CCDC60: variants seen among roughly 807,000 people sequenced by gnomAD.
CCDC60 encodes coiled-coil domain-containing protein 60.
In CCDC60, 54 loss-of-function variants were observed where a neutral mutation model predicts 63.5. The ratio of observed to expected loss-of-function variants is 0.85; its 90% CI spans 0.68 to 1.07. The LOEUF (loss-of-function observed/expected upper bound fraction) is 1.07. Among genes scored for constraint, CCDC60 ranks in the 50% least tolerant of loss-of-function variants. CCDC60 has a pLI of 0.00. For missense variants in CCDC60, 651 were observed against 684.3 expected, an observed-to-expected ratio of 0.95 and a Z score of 0.54; for synonymous variants, 206 against 238.8, an observed-to-expected ratio of 0.86 and a Z score of 1.27.
rs574771394 is a variant in CCDC60, at chr12:119,335,267, G to C, written c.90+1G>C. 1 of 1,594,552 alleles carries C rather than the reference G, an allele frequency of 6.3e-7. No individual in the cohort carries two copies. The highest frequency in any genetic ancestry group is 8.5e-7 in the Non-Finnish European group (1 of 1,170,634). ...TTATGCCTCGGAGAACCTAAGGCAGGTAAGTCTCCCCTCTGCTGAAACCAA... is the reference window on the plus strand; with the variant it reads ...TTATGCCTCGGAGAACCTAAGGCAGCTAAGTCTCCCCTCTGCTGAAACCAA... On this transcript the variant is annotated splice_donor_variant, in intron 1 of 13. Transcript: ENST00000327554. LOFTEE classifies it high-confidence loss of function.
intron 1 of CCDC60, among the ~76,000 whole-genome samples, chr12:119,340,774 C>CG (rs1306898653): frequency 4.6e-5 from 7 of 152,150 alleles, no homozygotes; most frequent in African/African-American, 1.7e-4. Flanking sequence ...AAATGGCGGG[C>CG]TGTAGTGAGT....
chr12:119,527,902 C>T (rs891285959), intron 11 of CCDC60, among the ~76,000 whole-genome samples: 1 of 150,542 alleles, frequency 6.6e-6, no homozygotes, highest in South Asian at 2.1e-4. Context: ...AGGATGGTGT[C>T]GATCTCCTGA....
At chr12:119,461,502 T>C (rs1450666058) in intron 2 of CCDC60, among the ~76,000 whole-genome samples, 1 of 152,084 alleles carries the variant, frequency 6.6e-6, no homozygotes, top group Non-Finnish European at 1.5e-5. Context: ...AATACTCCTA[T>C]TGCTGCAGTA....
intron 1 of CCDC60, among the ~76,000 whole-genome samples, chr12:119,350,777 C>T (rs926745181): frequency 6.6e-6 from 1 of 152,144 alleles, no homozygotes; most frequent in Non-Finnish European, 1.5e-5. Context: ...CCTAGTTTTT[C>T]AGAAGTCCAC....
chr12:119,484,785 C>G (rs1358813852), intron 4 of CCDC60, among the ~76,000 whole-genome samples: 1 of 152,194 alleles, frequency 6.6e-6, no homozygotes, highest in Non-Finnish European at 1.5e-5. Flanking sequence ...CCAATTCATT[C>G]CCACCATTTT....
At chr12:119,418,386 C>CTTTTT (rs556783132) in intron 1 of CCDC60, among the ~76,000 whole-genome samples, 9 of 65,756 alleles carry the variant, frequency 1.4e-4, no homozygotes, top group Admixed American at 4.1e-4. Context: ...TTCTTTCTTT[C>CTTTTT]TTTTTTTTTT....
intron 1 of CCDC60, among the ~76,000 whole-genome samples, chr12:119,339,246 G>A (rs1307793659): frequency 6.6e-6 from 1 of 152,124 alleles, no homozygotes; most frequent in African/African-American, 2.4e-5. Context: ...GGAAAAGGCT[G>A]AAAAAGAGAG....
chr12:119,503,287 C>T (rs1032781976), intron 6 of CCDC60, among the ~76,000 whole-genome samples: 1 of 152,190 alleles, frequency 6.6e-6, no homozygotes, highest in Non-Finnish European at 1.5e-5. Flanking sequence ...CATGTTTCAT[C>T]CCTGAGCTCT....
At chr12:119,475,720 T>A (rs529089919) in intron 3 of CCDC60, among the ~76,000 whole-genome samples, 1 of 152,268 alleles carries the variant, frequency 6.6e-6, no homozygotes, top group South Asian at 2.1e-4. Context: ...CCTCTCTGAG[T>A]CTCCTTTTCT....
At chr12:119,426,065 A>G (rs1449825843) in intron 1 of CCDC60, among the ~76,000 whole-genome samples, 3 of 152,166 alleles carry the variant, frequency 2.0e-5, no homozygotes, top group South Asian at 2.1e-4. Flanking sequence ...AGTTCCTTAC[A>G]TGCCTCATCA....
intron 3 of CCDC60, among the ~76,000 whole-genome samples, chr12:119,475,372 C>T (rs1032053080): frequency 1.3e-5 from 2 of 152,178 alleles, no homozygotes; most frequent in African/African-American, 4.8e-5. Flanking sequence ...GGTCGTAGAA[C>T]GCAATTCTCC....
At chr12:119,380,404 G>C (rs569997390) in intron 1 of CCDC60, among the ~76,000 whole-genome samples, 1 of 152,322 alleles carries the variant, frequency 6.6e-6, no homozygotes, top group African/African-American at 2.4e-5. Flanking sequence ...CTGGAGAGCA[G>C]ATTGTTAAGC....
intron 2 of CCDC60, among the ~76,000 whole-genome samples, chr12:119,450,545 T>C (rs1430989785): frequency 1.3e-5 from 2 of 152,122 alleles, no homozygotes; most frequent in African/African-American, 4.8e-5. Context: ...TATCTGGTAT[T>C]GCTAGAGCAT....
At chr12:119,517,471 C>T (rs1566057388) in intron 8 of CCDC60, among the ~76,000 whole-genome samples, 1 of 152,142 alleles carries the variant, frequency 6.6e-6, no homozygotes, top group Non-Finnish European at 1.5e-5. Context: ...ACTGTGAGAA[C>T]AAATAATAAT....
chr12:119,377,254 C>CAAAAA (rs60100165), intron 1 of CCDC60, among the ~76,000 whole-genome samples: 450 of 47,224 alleles, frequency 9.5e-3, no homozygotes, highest in Non-Finnish European at 0.013. Flanking sequence ...CACTCCATCT[C>CAAAAA]AAAAAAAAAA....
intron 7 of CCDC60, among the ~76,000 whole-genome samples, chr12:119,513,143 C>G (rs1952257780): frequency 6.6e-6 from 1 of 152,146 alleles, no homozygotes; most frequent in African/African-American, 2.4e-5. Flanking sequence ...AAGCAGATTC[C>G]ACGTTAGGGA....
At chr12:119,458,377 G>GT (rs1178610430) in intron 2 of CCDC60, among the ~76,000 whole-genome samples, 1 of 152,170 alleles carries the variant, frequency 6.6e-6, no homozygotes, top group Admixed American at 6.5e-5. Context: ...GCTGGAAAAT[G>GT]TAAGTGAAAA....
At chr12:119,359,185 C>T (rs1403468085) in intron 1 of CCDC60, among the ~76,000 whole-genome samples, 1 of 152,110 alleles carries the variant, frequency 6.6e-6, no homozygotes, top group African/African-American at 2.4e-5. Flanking sequence ...ATCTGCATTT[C>T]CTTAATGCCT....
chr12:119,445,605 A>G (rs948844049), intron 2 of CCDC60, among the ~76,000 whole-genome samples: 4 of 151,942 alleles, frequency 2.6e-5, no homozygotes, highest in Non-Finnish European at 5.9e-5. Flanking sequence ...TTTGGGGGTC[A>G]GGAAATTCTG....
Sources: gnomAD v4.1 joint callset for allele counts (sites outside exome capture counted in the v4.1 genomes callset) on GRCh38, gnomAD v4.1.1 for gene constraint, MANE v1.5 for transcripts, NCBI Gene and HGNC (gene_info 2026-07-23, HGNC 2026-07-21) for gene names.